CUL3: variants seen among roughly 807,000 people sequenced by gnomAD.
CUL3 encodes the protein cullin-3.
In CUL3, 19 loss-of-function variants were observed where a neutral mutation model predicts 89.1. The ratio of observed to expected loss-of-function variants is 0.21; its 90% confidence interval spans 0.15 to 0.31. CUL3 has a LOEUF of 0.31. Ranked by LOEUF, CUL3 falls within the 10% of genes least tolerant of loss-of-function variation. CUL3 has a pLI of 1.00. For synonymous variants in CUL3, 351 were observed against 308.4 expected, an observed-to-expected ratio of 1.14 and a Z score of -1.45; for missense variants, 469 against 942.3, an observed-to-expected ratio of 0.50 and a Z score of 6.58.
chr2:224,532,637 T>C (rs573388332), intron 3 of CUL3, among the ~76,000 whole-genome samples: 18 of 152,274 alleles, frequency 1.2e-4, no homozygotes, highest in African/African-American at 4.1e-4. Flanking sequence ...AATGTCAACA[T>C]TTCTTACAAC....
chr2:224,505,347 G>A (rs1220716984), intron 8 of CUL3, among the ~76,000 whole-genome samples: 1 of 152,134 alleles, frequency 6.6e-6, no homozygotes, highest in South Asian at 2.1e-4. Context: ...AAGTTGGTCA[G>A]GCTGGTCTCA....
intron 12 of CUL3, among the ~76,000 whole-genome samples, chr2:224,496,424 A>G (rs890888466): frequency 6.6e-6 from 1 of 152,210 alleles, no homozygotes; most frequent in Non-Finnish European, 1.5e-5. Flanking sequence ...ATATAAAGGA[A>G]ATCTATTTCT....
intron 3 of CUL3, among the ~76,000 whole-genome samples, chr2:224,535,023 A>G (rs1277713329): frequency 8.5e-6 from 1 of 117,020 alleles, no homozygotes; most frequent in Non-Finnish European, 1.9e-5. Context: ...TAAATAAATA[A>G]ATAAATAAAT....
chr2:224,486,534 T>C (rs928945528), intron 13 of CUL3, among the ~76,000 whole-genome samples: 6 of 151,702 alleles, frequency 4.0e-5, no homozygotes, highest in Non-Finnish European at 5.9e-5. Context: ...GAAGATCAAC[T>C]TAATGAAATA....
At position 224,500,482 on chromosome 2, in the gene CUL3, A is replaced by G; in HGVS notation, c.1491T>C (p.Ser497=). 1 of 1,613,968 alleles carries G rather than the reference A, an allele frequency of 6.2e-7. No individual in the cohort carries two copies. The highest frequency in any genetic ancestry group is 8.5e-7 in the Non-Finnish European group (1 of 1,179,892). ...FRQHLQATGV[S]LGGVDLTVRV... ...GGACTGTAAGATCAACACCACCTAA[A>G]GATACCTATGTAAAACAGAAAGAGA... The change falls in exon 11 of 16, where the codon TCT becomes TCC. Residue 497 remains serine (S), a synonymous_variant. Transcript: ENST00000264414.
chr2:224,535,265 C>G (rs1387760517), intron 3 of CUL3, among the ~76,000 whole-genome samples: 1 of 152,124 alleles, frequency 6.6e-6, no homozygotes, highest in Non-Finnish European at 1.5e-5. Context: ...TGGCTCACCC[C>G]CCGGTTCAAG....
At chr2:224,535,664 G>GTT in intron 2 of CUL3, 23 bp from the exon 3 acceptor site, 1 of 1,445,468 alleles carries the variant, frequency 6.9e-7, no homozygotes, top group Non-Finnish European at 9.7e-7. Context: ...GAGTTCATTA[G>GTT]TTTGCACACA....
At chr2:224,577,456 C>G (rs1695328134) in intron 1 of CUL3, among the ~76,000 whole-genome samples, 1 of 151,996 alleles carries the variant, frequency 6.6e-6, no homozygotes, top group Non-Finnish European at 1.5e-5. Context: ...GTAGTCCCAG[C>G]TACCAGGGAG....
chr2:224,528,479 T>C (rs549704066), intron 3 of CUL3, among the ~76,000 whole-genome samples: 4 of 152,300 alleles, frequency 2.6e-5, no homozygotes, highest in South Asian at 4.1e-4. Context: ...CCTTTTGCCA[T>C]ATAAAGGCAA....
At position 224,470,651 on chromosome 2, in the gene CUL3, G is replaced by A; in HGVS notation, c.*3594C>T. ...ATGTAAAACTTTCTCTAAGATTGTA[G>A]GAGACAAAGCGCCTATTTTCTTTTC... is the stretch of plus-strand genomic sequence containing the variant. On this transcript the variant is annotated 3_prime_UTR_variant, in exon 16 of 16. Transcript: ENST00000264414. The A allele has an allele frequency of 4.3e-6, 1 of 231,758 alleles. No individual in the cohort carries two copies. The highest frequency in any genetic ancestry group is 6.1e-5 in the East Asian group (1 of 16,288). 14.4% of individuals were successfully genotyped at this position (231,758 alleles called of 1,614,324 possible).
At chr2:224,493,174 T>A (rs776292379) in intron 13 of CUL3, among the ~76,000 whole-genome samples, 3 of 152,252 alleles carry the variant, frequency 2.0e-5, no homozygotes, top group Non-Finnish European at 4.4e-5. Context: ...TGTTAGTGGT[T>A]GTTTTAAATC....
chr2:224,537,333 C>A (rs1693934354), intron 2 of CUL3, among the ~76,000 whole-genome samples: 1 of 152,040 alleles, frequency 6.6e-6, no homozygotes, highest in African/African-American at 2.4e-5. Flanking sequence ...TATATCTAGT[C>A]TACTAAATAT....
chr2:224,549,318 A>G (rs1445408515), intron 2 of CUL3, among the ~76,000 whole-genome samples: 2 of 143,554 alleles, frequency 1.4e-5, no homozygotes, highest in East Asian at 4.4e-4. Context: ...CTTGTCTCGG[A>G]AAATAAATTA....
rs1017345045 is a variant in CUL3, at chr2:224,474,083, T to C, written c.*162A>G. 1.4e-5 allele frequency: 8 copies of C among 589,418 alleles called. No individual in the cohort carries two copies. Among genetic ancestry groups the C allele is most frequent in the Admixed American group, 3.4e-5 (1 of 29,836 alleles). 36.5% of individuals were successfully genotyped at this position (589,418 alleles called of 1,614,324 possible). ...AAGCCTGAAGCTCAATCAACTGATG[T>C]TGGAAACTCTCAAAGGGAGTAAAGG... On this transcript the variant is annotated 3_prime_UTR_variant, in exon 16 of 16. Transcript: ENST00000264414.
At chr2:224,476,534 G>C (rs1235818630) in intron 15 of CUL3, among the ~76,000 whole-genome samples, 1 of 152,082 alleles carries the variant, frequency 6.6e-6, no homozygotes, top group Non-Finnish European at 1.5e-5. Flanking sequence ...GTTTCACATA[G>C]AGAAAAGAAG....
chr2:224,505,337 A>C (rs1211288663), intron 8 of CUL3, among the ~76,000 whole-genome samples: 2 of 152,064 alleles, frequency 1.3e-5, no homozygotes, highest in African/African-American at 4.8e-5. Context: ...GGGTTTCACC[A>C]AGTTGGTCAG....
At chr2:224,538,339 G>A (rs1281456445) in intron 2 of CUL3, among the ~76,000 whole-genome samples, 1 of 152,180 alleles carries the variant, frequency 6.6e-6, no homozygotes, top group East Asian at 1.9e-4. Context: ...GGAATGAGAT[G>A]AAGATTATGA....
intron 2 of CUL3, 58 bp from the exon 3 acceptor site, chr2:224,535,699 G>T: frequency 2.1e-6 from 2 of 960,630 alleles, no homozygotes; most frequent in South Asian, 1.3e-5. Context: ...CGTATATACA[G>T]GCATGCACAT....
chr2:224,500,210 G>T, intron 11 of CUL3, 153 bp downstream of exon 11: 1 of 797,950 alleles, frequency 1.3e-6, no homozygotes, highest in African/African-American at 1.7e-5. Flanking sequence ...TATAGAGGGG[G>T]AAATTGCTGT....
Sources: gnomAD v4.1 joint callset for allele counts (sites outside exome capture counted in the v4.1 genomes callset) on GRCh38, gnomAD v4.1.1 for gene constraint, MANE v1.5 for transcripts, NCBI Gene and HGNC (gene_info 2026-07-23, HGNC 2026-07-21) for gene names.